Variants in TRMT10A observed in about 807,000 individuals in gnomAD.
TRMT10A encodes tRNA methyltransferase 10 homolog A.
A neutral mutation model predicts 40.4 loss-of-function variants in TRMT10A; 37 were observed. The observed-to-expected ratio is 0.92, with a 90% CI of 0.71 to 1.21. The LOEUF is 1.21. Ranked by LOEUF, TRMT10A falls within the 50% of genes most tolerant of loss-of-function variation. TRMT10A has a pLI of 0.00. For synonymous variants in TRMT10A, 103 were observed against 134.1 expected (o/e 0.77, Z 1.60); for missense variants, 388 against 404.3 (o/e 0.96, Z 0.35).
At chr4:99,561,342 TAAG>T (rs1724386455) in intron 1 of TRMT10A, among the ~76,000 whole-genome samples, 1 of 152,122 alleles carries the variant, frequency 6.6e-6, no homozygotes, top group Non-Finnish European at 1.5e-5. Context: ...CTTTCCTATC[TAAG>T]AAGTCTTAAG....
At position 99,553,929 on chromosome 4, in the gene TRMT10A, G is replaced by C; in HGVS notation, c.501C>G (p.Ile167Met). The C allele has an allele frequency of 6.2e-7, 1 of 1,611,988 alleles. No homozygotes were observed. The highest frequency in any genetic ancestry group is 8.5e-7 in the Non-Finnish European group (1 of 1,179,378). ...CACTATAGTGCTCTGGTTTGATATGGATATCCTTTAAGACAACAGGGAAAG... is the reference window on the plus strand; with the variant it reads ...CACTATAGTGCTCTGGTTTGATATGCATATCCTTTAAGACAACAGGGAAAG... ...NDKGWVNWKD[I>M]HIKPEHYSEL... Residue 167 changes from isoleucine to methionine, a missense_variant, in exon 6 of 8, where the codon ATC becomes ATG. By Grantham distance (10) the Ile-to-Met change is conservative. Transcript: ENST00000394876.
Position 99,549,323 on chromosome 4 carries a change from C to T in TRMT10A, c.785G>A (p.Arg262Lys). The T allele has an allele frequency of 6.2e-7, 1 of 1,614,126 alleles. No homozygotes were observed. Among genetic ancestry groups the T allele is most frequent in the South Asian group, 1.1e-5 (1 of 91,080 alleles). The change falls in exon 8 of 8, where the codon AGA becomes AAA. Residue 262 changes from arginine to lysine, a missense_variant. Arg to Lys is a conservative substitution (Grantham distance 26). Transcript: ENST00000394876. ...AGTAAAAAATGCTTCTTGCCAGTCT[C>T]TTGTTTCCAGGTATTCCAGAATAAT... is the stretch of plus-strand genomic sequence containing the variant. Reference protein sequence around the residue: ...FEIILEYLETRDWQEAFFTIL... With the variant: ...FEIILEYLETKDWQEAFFTIL...
rs1045954684 is a variant in TRMT10A at position 99,548,336 on chromosome 4, T to A, written c.*752A>T. The A allele has an allele frequency of 6.6e-6, 1 of 152,092 alleles. No homozygotes were observed. Among genetic ancestry groups the A allele is most frequent in the Non-Finnish European group, 1.5e-5 (1 of 67,976 alleles). 9.4% of individuals were successfully genotyped at this position (152,092 alleles called of 1,614,324 possible). A position where few individuals can be genotyped will look rare whatever the true frequency, so the allele number is the denominator to read the frequency against. On this transcript the variant is annotated 3_prime_UTR_variant, in exon 8 of 8. Transcript: ENST00000394876. ...CTGCTAAGAGCTGTTCCATTTTAAA[T>A]GCAGGTAAAGACAAAATTGATCTTT...
At chr4:99,553,718 C>A in intron 6 of TRMT10A, 67 bp downstream of exon 6, 1 of 1,472,198 alleles carries the variant, frequency 6.8e-7, no homozygotes, top group Non-Finnish European at 9.2e-7. Flanking sequence ...ATTATTGTTA[C>A]TTTCAGGAAA....
chr4:99,549,093 G>A lies in TRMT10A; in HGVS notation c.1015C>T (p.His339Tyr). 1.2e-6 allele frequency: 2 copies of A among 1,613,568 alleles called. No individual in the cohort carries two copies. Among genetic ancestry groups the A allele is most frequent in the Non-Finnish European group, 8.5e-7 (1 of 1,179,564 alleles). ...TAAAAGGAAACCAGGTAACATTAGT[G>A]TGGCAGAGAGTTCACTGTAGATTCA... ...HTESTVNSLP[H>Y] The change falls in exon 8 of 8, where the codon CAC becomes TAC. Residue 339 changes from histidine to tyrosine, a missense_variant. Transcript: ENST00000394876.
chr4:99,558,019 C>T (rs779231743), intron 3 of TRMT10A, 30 bp downstream of exon 3: 1 of 1,516,706 alleles, frequency 6.6e-7, no homozygotes, highest in Non-Finnish European at 8.8e-7. Flanking sequence ...AATTCACATA[C>T]AAGATTTTTC....
Position 99,546,805 on chromosome 4 carries a change from C to A in TRMT10A, c.*2283G>T, listed in dbSNP as rs1723754385. On this transcript the variant is annotated 3_prime_UTR_variant, in exon 8 of 8. Transcript: ENST00000394876. ...TATTTACTGAAGTTTTAACAAATAA[C>A]CTAAATAAACCAAAACAATGTTGAG... 6.6e-6 allele frequency: 1 copy of A among 151,852 alleles called. No individual in the cohort carries two copies. Among genetic ancestry groups the A allele is most frequent in the Non-Finnish European group, 1.5e-5 (1 of 67,956 alleles). 9.4% of individuals were successfully genotyped at this position (151,852 alleles called of 1,614,324 possible).
chr4:99,559,536 T>C (rs1054457660), intron 1 of TRMT10A, among the ~76,000 whole-genome samples, 175 bp from the exon 2 acceptor site: 3 of 152,224 alleles, frequency 2.0e-5, no homozygotes, highest in Non-Finnish European at 2.9e-5. Context: ...TCAGCAATGC[T>C]AGTAAAGGTC....
intron 2 of TRMT10A, 26 bp from the exon 3 acceptor site, chr4:99,558,237 T>A: frequency 1.3e-6 from 2 of 1,550,060 alleles, no homozygotes; most frequent in Non-Finnish European, 1.8e-6. Context: ...GAAATAACAT[T>A]TTGTTATTGT....
chr4:99,562,146 G>C (rs1724424401), intron 1 of TRMT10A, among the ~76,000 whole-genome samples: 1 of 149,838 alleles, frequency 6.7e-6, no homozygotes, highest in Non-Finnish European at 1.5e-5. Context: ...ACTCCAACTA[G>C]GGCAACAGAG....
chr4:99,556,147 T>A lies in TRMT10A; in HGVS notation c.494A>T (p.Lys165Met). Residue 165 changes from lysine to methionine, a missense_variant and splice_region_variant, in exon 5 of 8, where the codon AAG (lysine) becomes ATG (methionine). By Grantham distance (95) the Lys-to-Met change is moderately conservative. Transcript: ENST00000394876. ...DENDKGWVNW[K>M]DIHIKPEHYS... ...TGAGAGTTTATCTGTTTTAATTACC[T>A]TCCAGTTGACCCATCCTTTGTCATT... is the stretch of plus-strand genomic sequence containing the variant. The A allele has an allele frequency of 6.2e-7, 1 of 1,613,468 alleles. No homozygotes were observed. The highest frequency in any genetic ancestry group is 8.5e-7 in the Non-Finnish European group (1 of 1,179,594).
At position 99,559,164 on chromosome 4, in the gene TRMT10A, C is replaced by T; in HGVS notation, c.175G>A (p.Glu59Lys). The change falls in exon 2 of 8, where the codon GAA becomes AAA. Residue 59 changes from glutamate (E) to lysine (K), a missense_variant. Physicochemically the swap from Glu to Lys is moderately conservative, Grantham distance 56. Coordinates refer to ENST00000394876, the MANE Select transcript of TRMT10A (RefSeq NM_001134665.3). ...TTTTGAAACACATACTTGCGGAGTT[C>T]CCGTTGCTCTTCCCATTGTTTCTGT... ...IKQKQWEEQR[E>K]LRKQKRKEKR... 1 of 1,611,774 alleles carries T rather than the reference C, an allele frequency of 6.2e-7. No homozygotes were observed. The highest frequency in any genetic ancestry group is 1.1e-5 in the South Asian group (1 of 90,706).
rs1318608710 is a variant in TRMT10A, at chr4:99,557,357, C to T, written c.408G>A (p.Leu136=). 3.7e-6 allele frequency: 6 copies of T among 1,613,150 alleles called. No individual in the cohort carries two copies. Among genetic ancestry groups the T allele is most frequent in the Admixed American group, 1.7e-5 (1 of 59,936 alleles). ...TCTTTACACATACCTGCACAGGATG[C>T]AGTGCCCGTCGGTTTTCTGCGTAAC... ...QRCYAENRRA[L]HPVQFYLTSH... is the part of the protein sequence containing the mutation. Residue 136 remains leucine (L), a synonymous_variant, in exon 4 of 8, where the codon CTG becomes CTA. Transcript: ENST00000394876.
intron 4 of TRMT10A, among the ~76,000 whole-genome samples, chr4:99,557,093 G>A (rs376696425): frequency 6.6e-6 from 1 of 152,210 alleles, no homozygotes; most frequent in Admixed American, 6.5e-5. Flanking sequence ...CCACAATGAA[G>A]ATATCAACTA....
chr4:99,554,218 A>G (rs1257928810), intron 5 of TRMT10A, among the ~76,000 whole-genome samples: 2 of 152,130 alleles, frequency 1.3e-5, no homozygotes, highest in African/African-American at 2.4e-5. Flanking sequence ...TAAAAACACT[A>G]CTTTCAATGT....
At chr4:99,560,106 A>T (rs1283784896) in intron 1 of TRMT10A, among the ~76,000 whole-genome samples, 12 of 152,100 alleles carry the variant, frequency 7.9e-5, no homozygotes, top group Admixed American at 7.9e-4. Context: ...GGAAACTACA[A>T]AAAGACAGAA....
At chr4:99,550,579 T>C (rs975250679) in intron 7 of TRMT10A, among the ~76,000 whole-genome samples, 13 of 152,174 alleles carry the variant, frequency 8.5e-5, no homozygotes, top group Non-Finnish European at 1.8e-4. Context: ...GTATGTAATA[T>C]AGTGAAAATC....
Position 99,547,997 on chromosome 4 carries a change from A to G in TRMT10A, c.*1091T>C, listed in dbSNP as rs1390614221. ...CCTTTCACACTATTCTTTCTTGCCAATGTTCCCATACAAACGTTAAGGATT... is the reference window on the plus strand; with the variant it reads ...CCTTTCACACTATTCTTTCTTGCCAGTGTTCCCATACAAACGTTAAGGATT... On this transcript the variant is annotated 3_prime_UTR_variant, in exon 8 of 8. Coordinates refer to ENST00000394876, the MANE Select transcript of TRMT10A (RefSeq NM_001134665.3). The G allele has an allele frequency of 2.0e-5, 3 of 152,132 alleles. No individual in the cohort carries two copies. The highest frequency in any genetic ancestry group is 2.0e-4 in the Admixed American group (3 of 15,274). 9.4% of individuals were successfully genotyped at this position (152,132 alleles called of 1,614,324 possible).
Position 99,549,318 on chromosome 4 carries a change from A to T in TRMT10A, c.790T>A (p.Trp264Arg). ...AAGATAGTAAAAAATGCTTCTTGCCAGTCTCTTGTTTCCAGGTATTCCAGA... is the reference window on the plus strand; with the variant it reads ...AAGATAGTAAAAAATGCTTCTTGCCTGTCTCTTGTTTCCAGGTATTCCAGA... ...IILEYLETRD[W>R]QEAFFTILPQ... The change falls in exon 8 of 8, where the codon TGG becomes AGG. Residue 264 changes from tryptophan to arginine, a missense_variant. By Grantham distance (101) the Trp-to-Arg change is moderately radical (BLOSUM62 -3). Coordinates refer to ENST00000394876, the MANE Select transcript of TRMT10A (RefSeq NM_001134665.3). 1 of 1,614,168 alleles carries T rather than the reference A, an allele frequency of 6.2e-7. No homozygotes were observed. The highest frequency in any genetic ancestry group is 8.5e-7 in the Non-Finnish European group (1 of 1,180,000).
Sources: allele counts gnomAD v4.1 joint callset (sites outside exome capture counted in the v4.1 genomes callset), GRCh38; gene constraint gnomAD v4.1.1; transcripts MANE v1.5; gene names NCBI Gene and HGNC (gene_info 2026-07-23, HGNC 2026-07-21).